Variants in KAZN observed in about 807,000 individuals in gnomAD.
KAZN encodes the protein kazrin, periplakin interacting protein.
KAZN carries 40 observed loss-of-function variants against 87.4 expected under a neutral mutation model. That is an observed-to-expected ratio of 0.46 (90% CI 0.36 to 0.60). The LOEUF (loss-of-function observed/expected upper bound fraction) is 0.60, where lower values mean the gene tolerates loss of function less well. Among genes scored for constraint, KAZN ranks in the 20% least tolerant of loss-of-function variants. The pLI is 0.00. For synonymous variants in KAZN, 466 were observed against 458.3 expected (o/e 1.02, Z -0.22); for missense variants, 898 against 1,073.9 (o/e 0.84, Z 2.29).
At chr1:14,560,568 A>G (rs930535687) in intron 2 of KAZN, among the ~76,000 whole-genome samples, 9 of 152,104 alleles carry the variant, frequency 5.9e-5, no homozygotes, top group Non-Finnish European at 2.9e-5. Context: ...ACAGAGCGAG[A>G]CTCCATCTCA....
intron 1 of KAZN, among the ~76,000 whole-genome samples, chr1:14,683,193 C>G (rs1239618178): frequency 6.6e-6 from 1 of 152,114 alleles, no homozygotes; most frequent in African/African-American, 2.4e-5. Flanking sequence ...GTGGTAGGAA[C>G]GACCCTGATA....
chr1:15,027,436 G>A lies in KAZN; in HGVS notation c.419-7313G>A, dbSNP rs533271811. On this transcript the variant is annotated intron_variant, in intron 2 of 14. Coordinates refer to ENST00000376030, the MANE Select transcript of KAZN (RefSeq NM_201628.3). ...GCCTAAGAGTTGGGAGACCTCAGCTGACTCTCTGTGCATTGGGCATTCTTG... is the reference window on the plus strand; with the variant it reads ...GCCTAAGAGTTGGGAGACCTCAGCTAACTCTCTGTGCATTGGGCATTCTTG... 7.2e-5 allele frequency among the ~76,000 whole-genome samples: 11 copies of A among 152,274 alleles called. No individual in the cohort carries two copies. In the South Asian group the frequency reaches 2.1e-3, roughly 29 times the overall value.
At chr1:14,005,675 G>C (rs34442881) in intron 1 of KAZN, among the ~76,000 whole-genome samples, 6,532 of 152,282 alleles carry the variant, frequency 0.043, 181 homozygotes, top group Middle Eastern at 0.078. Context: ...GCACTACTGG[G>C]CTGAATGCTT....
chr1:14,107,865 T>C (rs2101662760), intron 1 of KAZN, among the ~76,000 whole-genome samples: 1 of 152,294 alleles, frequency 6.6e-6, no homozygotes, highest in African/African-American at 2.4e-5. Flanking sequence ...GTCACCTGAC[T>C]CCAAGAAACC....
intron 1 of KAZN, among the ~76,000 whole-genome samples, chr1:14,904,309 G>GAA (rs34880967): frequency 0.8 from 109,687 of 137,848 alleles, 44,134 homozygotes; most frequent in Admixed American, 0.85. Flanking sequence ...CGTCTCAAAA[G>GAA]AAAAAAAAAA....
chr1:13,943,684 G>A (rs1641026299), intron 1 of KAZN, among the ~76,000 whole-genome samples: 1 of 151,878 alleles, frequency 6.6e-6, no homozygotes, highest in South Asian at 2.1e-4. Context: ...GTAGTTATTG[G>A]CAAATCTAAA....
intron 1 of KAZN, among the ~76,000 whole-genome samples, chr1:14,119,174 G>A (rs963569132): frequency 1.3e-5 from 2 of 152,028 alleles, no homozygotes; most frequent in African/African-American, 2.4e-5. Context: ...CTTCTTTCCC[G>A]CATGTTATCT....
At chr1:14,508,884 C>G (rs942304802) in intron 2 of KAZN, among the ~76,000 whole-genome samples, 2 of 152,142 alleles carry the variant, frequency 1.3e-5, no homozygotes, top group African/African-American at 2.4e-5. Context: ...CAGGTCCCAT[C>G]CTGGGTGCAA....
chr1:15,043,305 T>C (rs758308565), intron 3 of KAZN, among the ~76,000 whole-genome samples: 10 of 152,208 alleles, frequency 6.6e-5, no homozygotes, highest in Non-Finnish European at 1.3e-4. Flanking sequence ...AGAACAACTA[T>C]TGCACCCTAA....
Position 14,110,428 on chromosome 1 carries a change from A to G in KAZN, c.92-70007A>G, listed in dbSNP as rs144561234. Among the ~76,000 whole-genome samples, 6 of 152,350 alleles carry G rather than the reference A, an allele frequency of 3.9e-5. No individual in the cohort carries two copies. In the East Asian group the frequency reaches 1.2e-3, roughly 29 times the overall value. ...TTGCATTTGACCTGTTGATACAACT[A>G]AGTCCTCCTGTGCCACTGACCTTCT... On this transcript the variant is annotated intron_variant, in intron 1 of 16. Coordinates refer to the KAZN transcript ENST00000636203.
chr1:14,385,674 G>A (rs2101066376), intron 2 of KAZN, among the ~76,000 whole-genome samples: 1 of 152,080 alleles, frequency 6.6e-6, no homozygotes, highest in East Asian at 1.9e-4. Context: ...TGTGGTCTGA[G>A]AGATAGTTTG....
intron 2 of KAZN, among the ~76,000 whole-genome samples, chr1:14,549,644 C>A (rs1673383291): frequency 7.3e-6 from 1 of 137,440 alleles, no homozygotes; most frequent in South Asian, 2.4e-4. Flanking sequence ...GGACAAGGAA[C>A]TTGCTACTTT....
chr1:14,485,111 C>T (rs1018052121), intron 2 of KAZN, among the ~76,000 whole-genome samples: 9 of 152,078 alleles, frequency 5.9e-5, no homozygotes, highest in Non-Finnish European at 1.2e-4. Flanking sequence ...ACTTGCTAAC[C>T]TTTATTTCAG....
chr1:14,010,037 A>C (rs1319076212), intron 1 of KAZN, among the ~76,000 whole-genome samples: 1 of 152,202 alleles, frequency 6.6e-6, no homozygotes, highest in Non-Finnish European at 1.5e-5. Flanking sequence ...GCATTCAATT[A>C]ACACATCAAC....
intron 2 of KAZN, among the ~76,000 whole-genome samples, chr1:14,334,799 C>T (rs820623): frequency 0.32 from 48,061 of 151,860 alleles, 8,172 homozygotes; most frequent in African/African-American, 0.43. Flanking sequence ...CAGCTGACTT[C>T]CCCCAGAGAG....
chr1:14,576,915 C>T (rs1675226630), intron 2 of KAZN, among the ~76,000 whole-genome samples: 1 of 152,190 alleles, frequency 6.6e-6, no homozygotes, highest in Non-Finnish European at 1.5e-5. Flanking sequence ...CTATATCCTA[C>T]CCAATTACTG....
At chr1:14,230,525 C>T (rs536848143) in intron 2 of KAZN, among the ~76,000 whole-genome samples, 1 of 152,276 alleles carries the variant, frequency 6.6e-6, no homozygotes, top group South Asian at 2.1e-4. Flanking sequence ...AGGCTTTGAA[C>T]TCGGGTCGGA....
At chr1:14,416,230 C>T (rs1237555351) in intron 2 of KAZN, among the ~76,000 whole-genome samples, 1 of 152,196 alleles carries the variant, frequency 6.6e-6, no homozygotes, top group African/African-American at 2.4e-5. Flanking sequence ...TGTCACCTTA[C>T]ATCTAACTCT....
At chr1:14,497,832 AAGAG>A (rs1467878870) in intron 2 of KAZN, among the ~76,000 whole-genome samples, 1 of 152,154 alleles carries the variant, frequency 6.6e-6, no homozygotes, top group Admixed American at 6.5e-5. Flanking sequence ...GAAAAAAAAA[AAGAG>A]GAAGAAGAAG....
Sources: gnomAD v4.1 joint callset for allele counts (sites outside exome capture counted in the v4.1 genomes callset) on GRCh38, gnomAD v4.1.1 for gene constraint, MANE v1.5 for transcripts, NCBI Gene and HGNC (gene_info 2026-07-23, HGNC 2026-07-21) for gene names.